The following SNX1 variants were observed in gnomAD, a reference collection of about 807,000 sequenced individuals.
SNX1 encodes the protein sorting nexin 1, also known as sorting nexin-1.
A neutral mutation model predicts 71.8 loss-of-function variants in SNX1; 36 were observed. The observed-to-expected ratio is 0.50, with a 90% CI of 0.38 to 0.66. SNX1 has a LOEUF of 0.66. Ranked by LOEUF, SNX1 falls within the 30% of genes least tolerant of loss-of-function variation. The pLI is 0.00. For synonymous variants in SNX1, 254 were observed against 240.7 expected (o/e 1.06, Z -0.51); for missense variants, 612 against 646.7 (o/e 0.95, Z 0.58).
intron 1 of SNX1, among the ~76,000 whole-genome samples, chr15:64,106,829 AAC>A (rs1265701977): frequency 6.6e-6 from 1 of 152,228 alleles, no homozygotes; most frequent in African/African-American, 2.4e-5. Context: ...TCCAGAAAGG[AAC>A]ACAGCCCTAC....
At chr15:64,130,158 A>G (rs1289584855) in intron 9 of SNX1, 70 bp from the exon 10 acceptor site, 1 of 1,502,690 alleles carries the variant, frequency 6.7e-7, no homozygotes, top group Non-Finnish European at 9.2e-7. Flanking sequence ...TTGAGAAACA[A>G]CTGCTAAAGA....
chr15:64,111,205 A>G (rs1235031187), intron 1 of SNX1, among the ~76,000 whole-genome samples: 1 of 152,126 alleles, frequency 6.6e-6, no homozygotes, highest in Non-Finnish European at 1.5e-5. Flanking sequence ...GCAAAAGGGA[A>G]ATGCTGCTTT....
Position 64,096,084 on chromosome 15 carries a change from A to T in SNX1, c.71A>T (p.Glu24Val), listed in dbSNP as rs201468224. The T allele has an allele frequency of 1.9e-5, 30 of 1,575,096 alleles. No individual in the cohort carries two copies. Among genetic ancestry groups the T allele is most frequent in the Non-Finnish European group, 1.1e-5 (13 of 1,163,426 alleles). The change falls in exon 1 of 15, where the codon GAG becomes GTG. Residue 24 changes from glutamate to valine, a missense_variant. Physicochemically the swap from Glu to Val is moderately radical, Grantham distance 121. Coordinates refer to ENST00000559844, the MANE Select transcript of SNX1 (RefSeq NM_003099.5). ...CCGCCCTTCCCCGGCCTGGAGCCGG[A>T]GTCCGAGGGGGCGGCCGGGGGATCA... ...LPPPFPGLEP[E>V]SEGAAGGSEP...
intron 8 of SNX1, among the ~76,000 whole-genome samples, chr15:64,128,301 C>T (rs542888909): frequency 9.2e-5 from 14 of 152,308 alleles, no homozygotes; most frequent in African/African-American, 2.9e-4. Context: ...ATCAATATAA[C>T]CAAATACTTG....
At chr15:64,096,231 T>C (rs2140124539) in intron 1 of SNX1, 59 bp downstream of exon 1, 1 of 1,519,220 alleles carries the variant, frequency 6.6e-7, no homozygotes, top group East Asian at 2.5e-5. Context: ...GAAGAGAGGC[T>C]AAGCGAGAAT....
intron 10 of SNX1, 54 bp from the exon 11 acceptor site, chr15:64,131,633 G>A: frequency 6.4e-7 from 1 of 1,565,810 alleles, no homozygotes; most frequent in South Asian, 1.1e-5. Flanking sequence ...CAGCTGATTT[G>A]TCCCTTTTCC....
rs1354393064 is a variant in SNX1 at position 64,096,181 on chromosome 15, G to A, written c.159+9G>A. 1 of 1,549,072 alleles carries A rather than the reference G, an allele frequency of 6.5e-7. No homozygotes were observed. Among genetic ancestry groups the A allele is most frequent in the East Asian group, 2.4e-5 (1 of 40,896 alleles). On this transcript the variant is annotated intron_variant, in intron 1 of 14. Transcript: ENST00000559844. ...CCGGCGCCGCGGTGGTCGTGAGTTT[G>A]CACCCCTCGGGGTAGCAGGCGGGAG... is the stretch of plus-strand genomic sequence containing the variant.
At chr15:64,109,709 T>C (rs1319356865) in intron 1 of SNX1, among the ~76,000 whole-genome samples, 1 of 152,110 alleles carries the variant, frequency 6.6e-6, no homozygotes, top group Non-Finnish European at 1.5e-5. Flanking sequence ...GGTTTCACCA[T>C]GTTGGCCAGG....
chr15:64,131,065 A>T (rs1435079907), intron 10 of SNX1, among the ~76,000 whole-genome samples: 1 of 152,220 alleles, frequency 6.6e-6, no homozygotes, highest in East Asian at 1.9e-4. Flanking sequence ...CAGGTGGGTC[A>T]CGAGGTCAGG....
intron 8 of SNX1, 41 bp downstream of exon 8, chr15:64,127,847 GC>G (rs2081269757): frequency 6.6e-7 from 1 of 1,512,656 alleles, no homozygotes; most frequent in African/African-American, 1.4e-5. Flanking sequence ...ATTTATATCT[GC>G]CCCTAGTGAA....
intron 1 of SNX1, among the ~76,000 whole-genome samples, chr15:64,109,297 G>A (rs548301107): frequency 7.3e-5 from 11 of 151,362 alleles, no homozygotes; most frequent in South Asian, 4.2e-4. Context: ...GCTTGAACCC[G>A]GGTAACAGAG....
At chr15:64,105,476 A>G (rs1489551886) in intron 1 of SNX1, among the ~76,000 whole-genome samples, 1 of 152,232 alleles carries the variant, frequency 6.6e-6, no homozygotes, top group Non-Finnish European at 1.5e-5. Context: ...TTACTAGAGC[A>G]AGTAGCCGTA....
intron 8 of SNX1, among the ~76,000 whole-genome samples, chr15:64,128,350 A>C (rs1188151404): frequency 6.6e-6 from 1 of 152,258 alleles, no homozygotes; most frequent in Non-Finnish European, 1.5e-5. Context: ...ATGTTAGTAC[A>C]TGGACATGTA....
chr15:64,130,732 C>G (rs74019210), intron 10 of SNX1, among the ~76,000 whole-genome samples: 4,650 of 152,302 alleles, frequency 0.031, 238 homozygotes, highest in African/African-American at 0.11. Context: ...TGCTTAAGAG[C>G]TTGTGAAATT....
intron 5 of SNX1, among the ~76,000 whole-genome samples, chr15:64,125,337 A>G (rs1803032571): frequency 6.6e-6 from 1 of 151,870 alleles, no homozygotes; most frequent in Admixed American, 6.6e-5. Flanking sequence ...TGGTGGCAGG[A>G]GCCTGTAATC....
intron 14 of SNX1, 146 bp downstream of exon 14, chr15:64,137,078 G>C: frequency 1.6e-6 from 1 of 626,422 alleles, no homozygotes; most frequent in Non-Finnish European, 2.8e-6. Context: ...AGGTCCTGCT[G>C]CTCTGACATG....
At chr15:64,121,692 A>G (rs1319178733) in intron 4 of SNX1, among the ~76,000 whole-genome samples, 1 of 152,256 alleles carries the variant, frequency 6.6e-6, no homozygotes, top group Non-Finnish European at 1.5e-5. Flanking sequence ...TAAACAGCCC[A>G]TGGATCAGAT....
chr15:64,119,316 C>T (rs2081167017), intron 4 of SNX1, among the ~76,000 whole-genome samples: 1 of 151,984 alleles, frequency 6.6e-6, no homozygotes, highest in Admixed American at 6.6e-5. Context: ...GAGATGGGGT[C>T]TTGCTATGTT....
In SNX1 at chr15:64,129,832, A is replaced by C; in HGVS notation, c.808-84A>C. The C allele has an allele frequency of 1.0e-6, 1 of 961,742 alleles. No homozygotes were observed. The highest frequency in any genetic ancestry group is 1.3e-5 in the South Asian group (1 of 75,130). 59.6% of individuals were successfully genotyped at this position (961,742 alleles called of 1,614,324 possible). On this transcript the variant is annotated intron_variant, in intron 8 of 14. Transcript: ENST00000559844. This position sits in a 1 kb window ranked among gnomAD's most constrained non-coding sequence, Gnocchi z 4.4. The stretch of plus-strand genomic sequence containing the variant: ...AATAATTTGTCTGGCAAGTTTTGGC[A>C]TGCCATCTGATGGATACTAATTCTT...
Sources: gnomAD v4.1 joint callset for allele counts (sites outside exome capture counted in the v4.1 genomes callset) on GRCh38, gnomAD v4.1.1 for gene constraint, Gnocchi (gnomAD v3.1) non-coding constraint, MANE v1.5 for transcripts, NCBI Gene and HGNC (gene_info 2026-07-23, HGNC 2026-07-21) for gene names.